MMS22L: variants seen among roughly 807,000 people sequenced by gnomAD.
The protein encoded by MMS22L is protein MMS22-like.
In MMS22L, 74 loss-of-function variants were observed where a neutral mutation model predicts 159.1. That is an observed-to-expected ratio of 0.47 (90% CI 0.39 to 0.56). The LOEUF is 0.56. MMS22L is among the 20% of genes least tolerant of loss of function. The pLI, the probability that MMS22L is intolerant of heterozygous loss-of-function variation, is 0.00. For missense variants in MMS22L, 1,351 were observed against 1,422.1 expected (o/e 0.95, Z 0.80); for synonymous variants, 517 against 506.9 (o/e 1.02, Z -0.27).
intron 15 of MMS22L, 59 bp from the exon 16 acceptor site, chr6:97,182,113 A>C (rs1582500066): frequency 2.1e-6 from 3 of 1,419,686 alleles, no homozygotes; most frequent in Non-Finnish European, 2.9e-6. Flanking sequence ...TTTCTGACCC[A>C]CACACCCCTG....
intron 22 of MMS22L, among the ~76,000 whole-genome samples, chr6:97,161,470 T>A (rs1802428019): frequency 6.6e-6 from 1 of 152,014 alleles, no homozygotes; most frequent in South Asian, 2.1e-4. Flanking sequence ...TATCCCAAAG[T>A]GCTGGGATTA....
intron 11 of MMS22L, 28 bp from the exon 12 acceptor site, chr6:97,234,008 G>T: frequency 6.3e-7 from 1 of 1,597,108 alleles, no homozygotes; most frequent in Admixed American, 1.8e-5. Flanking sequence ...GTTATGAGAA[G>T]GTAAATGGGC....
intron 17 of MMS22L, among the ~76,000 whole-genome samples, chr6:97,178,843 T>C (rs1804390228): frequency 6.6e-6 from 1 of 152,120 alleles, no homozygotes; most frequent in African/African-American, 2.4e-5. Context: ...TTGGAGGATT[T>C]TTTTCAGGCC....
Position 97,151,953 on chromosome 6 carries a change from AAT to A in MMS22L, c.3386-88_3386-87del. 8.1e-6 allele frequency: 8 copies of A among 982,100 alleles called. No homozygotes were observed. The Admixed American group carries it at 1.7e-4, about 21-fold the overall frequency. 60.8% of individuals were successfully genotyped at this position (982,100 alleles called of 1,614,324 possible). A position where few individuals can be genotyped will look rare whatever the true frequency, so the allele number is the denominator to read the frequency against. On this transcript the variant is annotated intron_variant, in intron 22 of 24. Coordinates refer to ENST00000683635, the MANE Select transcript of MMS22L (RefSeq NM_001350599.2). The stretch of plus-strand genomic sequence containing the variant: ...TTTATGAACACTCTTGATTTAGAAA[AAT>A]ATGTTGTTTTCTTAAAGTATGTACA...
At chr6:97,191,502 A>G (rs1439367890) in intron 14 of MMS22L, among the ~76,000 whole-genome samples, 1 of 150,428 alleles carries the variant, frequency 6.6e-6, no homozygotes, top group Non-Finnish European at 1.5e-5. Flanking sequence ...TGGAAAAAGC[A>G]TAATATAATA....
chr6:97,229,465 A>C, intron 13 of MMS22L, 62 bp from the exon 14 acceptor site: 2 of 1,241,102 alleles, frequency 1.6e-6, no homozygotes, highest in Non-Finnish European at 2.2e-6. Context: ...TGTATCTCTT[A>C]AAAGAAAATT....
Position 97,229,177 on chromosome 6 carries a change from G to T in MMS22L, c.1756C>A (p.Leu586Met), listed in dbSNP as rs907262701. Residue 586 changes from leucine to methionine, a missense_variant, in exon 14 of 25, where the codon CTG becomes ATG. Coordinates refer to ENST00000683635, the MANE Select transcript of MMS22L (RefSeq NM_001350599.2). Reference protein sequence around the residue: ...AFLLMYAQKNLDIGVLAEKFS... With the variant: ...AFLLMYAQKNMDIGVLAEKFS... Reference sequence around the variant, plus strand: ...TTCTCAGCCAAAACACCAATGTCCAGATTTTTCTGGGCATACATCAAGAGG... The same window carrying T: ...TTCTCAGCCAAAACACCAATGTCCATATTTTTCTGGGCATACATCAAGAGG... 1 of 1,614,062 alleles carries T rather than the reference G, an allele frequency of 6.2e-7. No homozygotes were observed. Among genetic ancestry groups the T allele is most frequent in the Admixed American group, 1.7e-5 (1 of 60,006 alleles).
chr6:97,246,889 T>C (rs1281496240), intron 10 of MMS22L, among the ~76,000 whole-genome samples, 199 bp from the exon 11 acceptor site: 3 of 152,030 alleles, frequency 2.0e-5, no homozygotes, highest in African/African-American at 7.2e-5. Flanking sequence ...TCCAATCCAA[T>C]ACAAACCATA....
intron 4 of MMS22L, among the ~76,000 whole-genome samples, chr6:97,274,639 A>T (rs999649202): frequency 2.0e-5 from 3 of 152,072 alleles, no homozygotes; most frequent in African/African-American, 7.2e-5. Context: ...ATACAGCCCA[A>T]CTCACTCTTT....
intron 19 of MMS22L, among the ~76,000 whole-genome samples, chr6:97,171,053 T>C (rs1258912361): frequency 1.3e-5 from 2 of 152,070 alleles, no homozygotes; most frequent in African/African-American, 4.8e-5. Context: ...AAAAAATATA[T>C]ACTATTGCTA....
Position 97,173,151 on chromosome 6 carries a change from T to G in MMS22L, c.2751A>C (p.Glu917Asp), listed in dbSNP as rs146339558. Residue 917 changes from glutamate (E) to aspartate (D), a missense_variant, in exon 19 of 25, where the codon GAA becomes GAC. By Grantham distance (45) the Glu-to-Asp change is conservative. Transcript: ENST00000683635. ...TATATTTTAATACTTCACCAAGGTA[T>G]TCCAAGGACTTTGTGACCATGGCAG... ...DKSAMVTKSLEYLGEVLKYIK... is the reference protein window; with the variant it reads ...DKSAMVTKSLDYLGEVLKYIK... 610 of 1,613,698 alleles carry G rather than the reference T, an allele frequency of 3.8e-4. 1 individual carries two copies. The African/African-American group carries it at 5.7e-3, about 15-fold the overall frequency.
At chr6:97,211,477 T>C (rs1023673220) in intron 14 of MMS22L, among the ~76,000 whole-genome samples, 1 of 152,068 alleles carries the variant, frequency 6.6e-6, no homozygotes, top group Non-Finnish European at 1.5e-5. Context: ...ATCTTTCATT[T>C]CCCTAATGTA....
chr6:97,247,564 C>A (rs1485585719), intron 10 of MMS22L, among the ~76,000 whole-genome samples: 1 of 151,930 alleles, frequency 6.6e-6, no homozygotes, highest in Non-Finnish European at 1.5e-5. Flanking sequence ...ACTAAAAATA[C>A]AAAAATTAGC....
intron 19 of MMS22L, among the ~76,000 whole-genome samples, chr6:97,172,493 T>C (rs1451917028): frequency 6.6e-6 from 1 of 152,158 alleles, no homozygotes; most frequent in Non-Finnish European, 1.5e-5. Context: ...GTTAGCACCA[T>C]GGTTTTCGTG....
At chr6:97,231,269 T>C in intron 13 of MMS22L, 157 bp downstream of exon 13, 1 of 611,690 alleles carries the variant, frequency 1.6e-6, no homozygotes, top group East Asian at 2.8e-5. Context: ...TTGAAGATGT[T>C]TGTTTCTATC....
At position 97,207,922 on chromosome 6, in the gene MMS22L, G is replaced by A. The variant is rs567834869; in HGVS notation, c.2039+20972C>T. 1.3e-4 allele frequency among the ~76,000 whole-genome samples: 20 copies of A among 152,210 alleles called. No homozygotes were observed. In the South Asian group the frequency reaches 3.9e-3, roughly 30 times the overall value. Reference sequence around the variant, plus strand: ...ATTAAAGTGTTTTGATATCCTTAGGGTGATAAGGTCAAGAGCACCAATGAG... The same window carrying A: ...ATTAAAGTGTTTTGATATCCTTAGGATGATAAGGTCAAGAGCACCAATGAG... On this transcript the variant is annotated intron_variant, in intron 14 of 24. Transcript: ENST00000683635.
chr6:97,249,207 C>T (rs966136175), intron 10 of MMS22L, among the ~76,000 whole-genome samples: 3 of 152,182 alleles, frequency 2.0e-5, no homozygotes, highest in Admixed American at 2.0e-4. Flanking sequence ...GCAACACTCC[C>T]TGCATACTGT....
At chr6:97,253,137 T>C (rs1000769845) in intron 10 of MMS22L, among the ~76,000 whole-genome samples, 5 of 152,182 alleles carry the variant, frequency 3.3e-5, no homozygotes, top group Non-Finnish European at 7.3e-5. Context: ...CTCAGAGCAA[T>C]TTCTGACTAT....
At chr6:97,147,430 T>C (rs1306693427) in intron 24 of MMS22L, among the ~76,000 whole-genome samples, 2 of 152,248 alleles carry the variant, frequency 1.3e-5, no homozygotes, top group Non-Finnish European at 2.9e-5. Flanking sequence ...TTATTGTGCC[T>C]AGTAGTTATC....
Sources: gnomAD v4.1 joint callset for allele counts (sites outside exome capture counted in the v4.1 genomes callset) on GRCh38, gnomAD v4.1.1 for gene constraint, MANE v1.5 for transcripts, NCBI Gene and HGNC (gene_info 2026-07-23, HGNC 2026-07-21) for gene names.